The following PECR variants were observed in gnomAD, a reference collection of about 807,000 sequenced individuals.
PECR encodes 2,4-dienoyl-CoA reductase-related protein.
In PECR, 30 loss-of-function variants were observed where a neutral mutation model predicts 35.3. The observed-to-expected ratio is 0.85, with a 90% CI of 0.64 to 1.15. The LOEUF (loss-of-function observed/expected upper bound fraction) is 1.15, where lower values mean the gene tolerates loss of function less well. Ranked by LOEUF, PECR falls within the 50% of genes most tolerant of loss-of-function variation. The probability of loss-of-function intolerance (pLI) is 0.00; values close to 1 mark genes in which losing one functional copy is unlikely to be tolerated. For synonymous variants in PECR, 148 were observed against 138.9 expected, an observed-to-expected ratio of 1.07 and a Z score of -0.46; for missense variants, 392 against 370.8, an observed-to-expected ratio of 1.06 and a Z score of -0.47.
intron 1 of PECR, among the ~76,000 whole-genome samples, chr2:216,066,782 G>A (rs770333624): frequency 6.6e-6 from 1 of 151,934 alleles, no homozygotes; most frequent in Admixed American, 6.6e-5. Flanking sequence ...AACTTCTCCC[G>A]GGCTAAAGCA....
At chr2:216,078,340 G>T (rs1012426257) in intron 1 of PECR, among the ~76,000 whole-genome samples, 4 of 152,066 alleles carry the variant, frequency 2.6e-5, no homozygotes, top group Non-Finnish European at 4.4e-5. Flanking sequence ...AGAGGAAAAA[G>T]TAATTATAAA....
Position 216,066,373 on chromosome 2 carries a change from T to C in PECR, c.258+12A>G, listed in dbSNP as rs757927709. 5.6e-6 allele frequency: 9 copies of C among 1,607,208 alleles called. No individual in the cohort carries two copies. The African/African-American group carries it at 6.7e-5, about 12-fold the overall frequency. On this transcript the variant is annotated intron_variant, in intron 2 of 7. Coordinates refer to ENST00000265322, the MANE Select transcript of PECR (RefSeq NM_018441.6). ...AATGAATGAATAAATGATACAGATA[T>C]ATCTCCATTACCTCCTCCTCATTCC...
At chr2:216,036,917 T>C (rs1402978061), downstream of PECR, among the ~76,000 whole-genome samples, 1 of 152,216 alleles carries the variant, frequency 6.6e-6, no homozygotes, top group Admixed American at 6.5e-5. Flanking sequence ...TACATAAATA[T>C]AGAATTTTCA....
downstream of PECR, among the ~76,000 whole-genome samples, chr2:216,035,098 A>G (rs1001635746): frequency 2.0e-5 from 3 of 152,218 alleles, no homozygotes; most frequent in Admixed American, 6.5e-5. Context: ...CAGGCTCCAG[A>G]TGTAATTGCT....
In PECR at chr2:216,077,929, CT is replaced by C. The variant is rs371799696; in HGVS notation, c.124+3688del. Reference sequence around the variant, plus strand: ...TATGAGTAATTAAAATTGTCTTCGTCTTTTAAATATTTTTTAATGAACATCT... The same window carrying C: ...TATGAGTAATTAAAATTGTCTTCGTCTTTAAATATTTTTTAATGAACATCT... On this transcript the variant is annotated intron_variant, in intron 1 of 7. Transcript: ENST00000265322. Among the ~76,000 whole-genome samples, 117 of 150,366 alleles carry C rather than the reference CT, an allele frequency of 7.8e-4. 1 individual carries two copies. Among genetic ancestry groups the C allele is most frequent in the African/African-American group, 2.6e-3 (108 of 40,880 alleles).
At chr2:216,035,510 C>T (rs1442467459), downstream of PECR, among the ~76,000 whole-genome samples, 1 of 145,354 alleles carries the variant, frequency 6.9e-6, no homozygotes, top group Non-Finnish European at 1.5e-5. Flanking sequence ...TTTTTCGAGA[C>T]AGGGTCTTAC....
Position 216,058,970 on chromosome 2 carries a change from C to T in PECR, c.431G>A (p.Ser144Asn). 1 of 1,600,098 alleles carries T rather than the reference C, an allele frequency of 6.2e-7. No homozygotes were observed. The highest frequency in any genetic ancestry group is 8.6e-7 in the Non-Finnish European group (1 of 1,167,558). The change falls in exon 4 of 8, where the codon AGC (serine) becomes AAC (asparagine). Residue 144 changes from serine to asparagine, a missense_variant. Transcript: ENST00000265322. Reference sequence around the variant, plus strand: ...TCCTCCATGCTCTTTCATCCAGGAGCTGTAAACTGCAGGATAGAGGCAAAC... The same window carrying T: ...TCCTCCATGCTCTTTCATCCAGGAGTTGTAAACTGCAGGATAGAGGCAAAC... ...GTFYMCKAVY[S>N]SWMKEHGGSI...
intron 1 of PECR, among the ~76,000 whole-genome samples, chr2:216,081,276 C>T (rs1351208516): frequency 1.3e-5 from 2 of 152,210 alleles, no homozygotes; most frequent in Non-Finnish European, 2.9e-5. Flanking sequence ...AGTCTTCCCA[C>T]GTTTCCTAAT....
Position 216,039,264 on chromosome 2 carries a change from GT to G in PECR, c.*10del. 6.6e-7 allele frequency: 1 copy of G among 1,504,412 alleles called. No homozygotes were observed. Among genetic ancestry groups the G allele is most frequent in the Non-Finnish European group, 9.3e-7 (1 of 1,080,262 alleles). The allele number at this position is 1,504,412 out of a possible 1,614,324, so 93.2% of individuals were successfully genotyped here. ...GGCACTGGGGGATGGAGGACACCTTGTTTCCTCAGCTCAGAGCTTAGCTTTC... is the reference window on the plus strand; with the variant it reads ...GGCACTGGGGGATGGAGGACACCTTGTTCCTCAGCTCAGAGCTTAGCTTTC... On this transcript the variant is annotated 3_prime_UTR_variant, in exon 8 of 8. Transcript: ENST00000265322.
At chr2:216,068,004 C>T (rs901917013) in intron 1 of PECR, among the ~76,000 whole-genome samples, 3 of 151,430 alleles carry the variant, frequency 2.0e-5, no homozygotes, top group African/African-American at 7.3e-5. Flanking sequence ...TGAGGCGGGC[C>T]GATCATGAGG....
chr2:216,043,032 T>TATATATACACACACATAC (rs1559207797), intron 7 of PECR, among the ~76,000 whole-genome samples: 1 of 127,916 alleles, frequency 7.8e-6, no homozygotes, highest in Non-Finnish European at 1.7e-5. Flanking sequence ...TACGTATATA[T>TATATATACACACACATAC]GTATGTGTAT....
intron 7 of PECR, among the ~76,000 whole-genome samples, chr2:216,030,566 C>G (rs916568473): frequency 6.6e-6 from 1 of 151,328 alleles, no homozygotes; most frequent in African/African-American, 2.4e-5. Flanking sequence ...TTTTTTGAGA[C>G]GGGGTCTCGC....
Position 216,052,051 on chromosome 2 carries a change from T to C in PECR, c.507-506A>G, listed in dbSNP as rs149361939. ...AAAATACAAAAATTACCGGGCATGG[T>C]GGCAGGTATCTGTAATCCCAGCTGT... On this transcript the variant is annotated intron_variant, in intron 4 of 7. Transcript: ENST00000265322. Among the ~76,000 whole-genome samples the C allele has an allele frequency of 8.8e-3, 1,339 of 152,220 alleles. 14 individuals carry two copies. The highest frequency in any genetic ancestry group is 0.03 in the African/African-American group (1,247 of 41,536).
At chr2:216,051,775 A>G (rs550421150) in intron 4 of PECR, among the ~76,000 whole-genome samples, 1 of 152,238 alleles carries the variant, frequency 6.6e-6, no homozygotes, top group Non-Finnish European at 1.5e-5. Context: ...ATAGACCCAG[A>G]TAAGGCTCCC....
intron 4 of PECR, among the ~76,000 whole-genome samples, chr2:216,056,341 A>C (rs1695224759): frequency 6.6e-6 from 1 of 152,200 alleles, no homozygotes; most frequent in African/African-American, 2.4e-5. Context: ...GTAAATTACA[A>C]CACAATGCTA....
At chr2:216,058,171 A>G (rs1695265097) in intron 4 of PECR, among the ~76,000 whole-genome samples, 1 of 152,152 alleles carries the variant, frequency 6.6e-6, no homozygotes, top group Non-Finnish European at 1.5e-5. Flanking sequence ...TTTCTCTTGC[A>G]GCAGATCTGG....
intron 3 of PECR, among the ~76,000 whole-genome samples, chr2:216,061,028 C>T (rs762488815): frequency 7.3e-5 from 11 of 150,466 alleles, no homozygotes; most frequent in Non-Finnish European, 1.6e-4. Context: ...AGCAGTGCCT[C>T]ACACCTATAT....
intron 1 of PECR, among the ~76,000 whole-genome samples, chr2:216,080,660 T>TTA (rs956313597): frequency 1.2e-4 from 18 of 152,352 alleles, no homozygotes; most frequent in Middle Eastern, 3.4e-3. Flanking sequence ...AACACTTTAA[T>TTA]TTTTCCCAAC....
intron 6 of PECR, among the ~76,000 whole-genome samples, chr2:216,044,595 AG>A (rs1249597298): frequency 6.6e-6 from 1 of 152,134 alleles, no homozygotes; most frequent in Non-Finnish European, 1.5e-5. Context: ...CCAGCTCCTT[AG>A]GAGGCTGAGG....
Sources: allele counts gnomAD v4.1 joint callset (sites outside exome capture counted in the v4.1 genomes callset), GRCh38; gene constraint gnomAD v4.1.1; transcripts MANE v1.5; gene names NCBI Gene and HGNC (gene_info 2026-07-23, HGNC 2026-07-21).